Variants in NALF1 observed in about 807,000 individuals in gnomAD.
NALF1 encodes the protein NALCN channel auxiliary factor 1.
NALF1 carries 3 observed loss-of-function variants against 48.4 expected under a neutral mutation model. The ratio of observed to expected loss-of-function variants is 0.06; its 90% CI spans 0.03 to 0.16. The LOEUF (loss-of-function observed/expected upper bound fraction) is 0.16, where lower values mean the gene tolerates loss of function less well. NALF1 is among the 10% of genes least tolerant of loss of function. NALF1 has a pLI of 1.00. For missense variants in NALF1, 526 were observed against 571.5 expected, an observed-to-expected ratio of 0.92 and a Z score of 0.81; for synonymous variants, 262 against 245.7, an observed-to-expected ratio of 1.07 and a Z score of -0.62.
intron 1 of NALF1, among the ~76,000 whole-genome samples, chr13:107,820,913 G>C (rs930482664): frequency 6.6e-6 from 1 of 152,002 alleles, no homozygotes. Context: ...AACATCATCC[G>C]GCACTACCTG....
intron 1 of NALF1, among the ~76,000 whole-genome samples, chr13:107,531,883 A>C (rs974560439): frequency 6.6e-5 from 10 of 152,138 alleles, no homozygotes; most frequent in African/African-American, 2.2e-4. Context: ...TTTAAAAATT[A>C]ATTTTATGCT....
At chr13:107,776,997 G>T (rs1052025687) in intron 1 of NALF1, among the ~76,000 whole-genome samples, 34 of 152,132 alleles carry the variant, frequency 2.2e-4, no homozygotes, top group African/African-American at 6.7e-4. Context: ...GAGACTGAGG[G>T]GGGGAAGATG....
At chr13:107,486,307 C>G (rs1885328668) in intron 1 of NALF1, among the ~76,000 whole-genome samples, 3 of 152,068 alleles carry the variant, frequency 2.0e-5, no homozygotes, top group Admixed American at 2.0e-4. Flanking sequence ...ATGTACCAGA[C>G]TCATCTCATA....
intron 2 of NALF1, among the ~76,000 whole-genome samples, chr13:107,208,829 T>C (rs749960085): frequency 1.2e-4 from 18 of 152,158 alleles, no homozygotes; most frequent in Non-Finnish European, 1.9e-4. Context: ...AAGAAGATAT[T>C]GATATCCTCC....
chr13:107,309,375 C>T (rs1032851544), intron 1 of NALF1, among the ~76,000 whole-genome samples: 3 of 152,176 alleles, frequency 2.0e-5, no homozygotes, highest in Admixed American at 2.0e-4. Context: ...TGAATTATGA[C>T]CAAAACTATT....
intron 1 of NALF1, among the ~76,000 whole-genome samples, chr13:107,437,547 G>T (rs1884483104): frequency 6.6e-6 from 1 of 152,154 alleles, no homozygotes; most frequent in Non-Finnish European, 1.5e-5. Flanking sequence ...TACACAAAAA[G>T]ATGTCTAGAC....
At chr13:107,760,350 A>G (rs1877230200) in intron 1 of NALF1, among the ~76,000 whole-genome samples, 1 of 152,170 alleles carries the variant, frequency 6.6e-6, no homozygotes, top group South Asian at 2.1e-4. Flanking sequence ...AGAGAAGAGA[A>G]AGGACAGACA....
intron 2 of NALF1, among the ~76,000 whole-genome samples, chr13:107,201,355 T>C (rs1458284883): frequency 6.6e-6 from 1 of 152,168 alleles, no homozygotes; most frequent in Non-Finnish European, 1.5e-5. Flanking sequence ...GGTGGGCAGA[T>C]CACGAGGTCA....
At chr13:107,766,617 T>A (rs910864482) in intron 1 of NALF1, among the ~76,000 whole-genome samples, 1 of 152,172 alleles carries the variant, frequency 6.6e-6, no homozygotes. Flanking sequence ...TATTTTAGAA[T>A]GGGTTTCAAC....
chr13:107,853,340 A>G (rs974316751), intron 1 of NALF1, among the ~76,000 whole-genome samples: 5 of 152,248 alleles, frequency 3.3e-5, no homozygotes, highest in African/African-American at 7.2e-5. Context: ...AAAGATTATT[A>G]GCCCCAGAAA....
At chr13:107,377,681 A>G (rs912463256) in intron 1 of NALF1, among the ~76,000 whole-genome samples, 3 of 152,206 alleles carry the variant, frequency 2.0e-5, no homozygotes, top group African/African-American at 7.2e-5. Flanking sequence ...AGAAAGGAAG[A>G]GGTCAAAGGG....
chr13:107,533,336 C>T (rs898919565), intron 1 of NALF1, among the ~76,000 whole-genome samples: 2 of 152,112 alleles, frequency 1.3e-5, no homozygotes, highest in African/African-American at 4.8e-5. Flanking sequence ...ACCACAGTGA[C>T]AGCATTGAAA....
intron 1 of NALF1, among the ~76,000 whole-genome samples, chr13:107,359,333 A>G (rs1883020723): frequency 6.6e-6 from 1 of 151,662 alleles, no homozygotes; most frequent in African/African-American, 2.4e-5. Flanking sequence ...TTTTTACCAG[A>G]CTCTTGAGGT....
chr13:107,492,046 T>G (rs1482815592), intron 1 of NALF1, among the ~76,000 whole-genome samples: 2 of 144,568 alleles, frequency 1.4e-5, no homozygotes, highest in East Asian at 2.0e-4. Context: ...TTTTTTGTTT[T>G]TTTTTTTTTT....
chr13:107,294,138 C>A (rs2138885659), intron 1 of NALF1, among the ~76,000 whole-genome samples: 1 of 152,218 alleles, frequency 6.6e-6, no homozygotes, highest in East Asian at 1.9e-4. Context: ...TACTGCCAAT[C>A]TCACCCCCAT....
At chr13:107,229,308 C>T (rs985633659) in intron 1 of NALF1, among the ~76,000 whole-genome samples, 1 of 152,008 alleles carries the variant, frequency 6.6e-6, no homozygotes, top group East Asian at 1.9e-4. Flanking sequence ...GATGGGACTA[C>T]GTGGGGCTGG....
At chr13:107,565,065 CAAAAAAA>C (rs71754551) in intron 1 of NALF1, among the ~76,000 whole-genome samples, 2 of 23,196 alleles carry the variant, frequency 8.6e-5, no homozygotes, top group Admixed American at 1.2e-3. Context: ...GTGATATCTG[CAAAAAAA>C]AAAAAAAAAA....
At chr13:107,812,052 A>G (rs1566491423) in intron 1 of NALF1, among the ~76,000 whole-genome samples, 3 of 152,212 alleles carry the variant, frequency 2.0e-5, no homozygotes, top group Non-Finnish European at 4.4e-5. Context: ...AAATATTTTA[A>G]TGGTGGTTAG....
intron 1 of NALF1, among the ~76,000 whole-genome samples, chr13:107,216,062 C>A (rs560727583): frequency 2.0e-5 from 3 of 152,208 alleles, no homozygotes; most frequent in Non-Finnish European, 4.4e-5. Flanking sequence ...AGCAGCTGCT[C>A]TCCCTTTTCC....
Sources: gnomAD v4.1 joint callset for allele counts (sites outside exome capture counted in the v4.1 genomes callset) on GRCh38, gnomAD v4.1.1 for gene constraint, MANE v1.5 for transcripts, NCBI Gene and HGNC (gene_info 2026-07-23, HGNC 2026-07-21) for gene names.